The following ELAVL2 variants were observed in gnomAD, a reference collection of about 807,000 sequenced individuals.
ELAVL2 encodes ELAV-like protein 2.
A neutral mutation model predicts 34.6 loss-of-function variants in ELAVL2; 4 were observed. The ratio of observed to expected loss-of-function variants is 0.12; its 90% CI spans 0.06 to 0.26. The LOEUF is 0.26. Among genes scored for constraint, ELAVL2 ranks in the 10% least tolerant of loss-of-function variants. The pLI is 1.00. For missense variants in ELAVL2, 432 were observed against 442.8 expected (o/e 0.98, Z 0.22); for synonymous variants, 193 against 154.8 (o/e 1.25, Z -1.83).
At chr9:23,787,945 G>A (rs1473874795) in intron 1 of ELAVL2, among the ~76,000 whole-genome samples, 3 of 152,150 alleles carry the variant, frequency 2.0e-5, no homozygotes, top group Non-Finnish European at 4.4e-5. Flanking sequence ...AGGCAGAGCT[G>A]ATCCAGACTA....
chr9:23,769,329 C>T (rs573390406), intron 1 of ELAVL2, among the ~76,000 whole-genome samples: 3 of 152,146 alleles, frequency 2.0e-5, no homozygotes, highest in Non-Finnish European at 4.4e-5. Context: ...TTATAGATGA[C>T]AGCTGGGTAG....
intron 1 of ELAVL2, among the ~76,000 whole-genome samples, chr9:23,814,827 A>G (rs1056999119): frequency 6.6e-6 from 1 of 152,182 alleles, no homozygotes; most frequent in Admixed American, 6.5e-5. Flanking sequence ...TACTTTTGAA[A>G]AGCAGCTCAG....
At chr9:23,792,292 A>G (rs945373851) in intron 1 of ELAVL2, among the ~76,000 whole-genome samples, 1 of 152,236 alleles carries the variant, frequency 6.6e-6, no homozygotes, top group African/African-American at 2.4e-5. Flanking sequence ...GACATCTTCA[A>G]CTTAACTTAA....
intron 4 of ELAVL2, among the ~76,000 whole-genome samples, chr9:23,702,534 AT>A (rs1390905865): frequency 1.3e-5 from 2 of 151,720 alleles, no homozygotes; most frequent in South Asian, 4.2e-4. Flanking sequence ...TGGCAGGGAA[AT>A]TTTTTTTGGC....
intron 1 of ELAVL2, among the ~76,000 whole-genome samples, chr9:23,814,173 C>G (rs910797639): frequency 6.6e-6 from 1 of 152,202 alleles, no homozygotes; most frequent in Admixed American, 6.5e-5. Flanking sequence ...GATCACCCTT[C>G]AGGACCTGTG....
intron 1 of ELAVL2, among the ~76,000 whole-genome samples, chr9:23,765,788 C>T (rs962699088): frequency 1.3e-5 from 2 of 152,058 alleles, no homozygotes; most frequent in South Asian, 2.1e-4. Flanking sequence ...GAGTAATGCT[C>T]GCATAGGATG....
chr9:23,787,497 G>A (rs1385210731), intron 1 of ELAVL2, among the ~76,000 whole-genome samples: 2 of 151,554 alleles, frequency 1.3e-5, no homozygotes, highest in Non-Finnish European at 2.9e-5. Context: ...CTCCTAAAGT[G>A]CTGGGATTAC....
intron 3 of ELAVL2, among the ~76,000 whole-genome samples, chr9:23,719,608 AG>A (rs1298944614): frequency 1.2e-4 from 18 of 152,238 alleles, no homozygotes; most frequent in African/African-American, 3.9e-4. Context: ...ACAGGTCAAA[AG>A]GGTTTCTAAA....
intron 1 of ELAVL2, among the ~76,000 whole-genome samples, chr9:23,815,466 T>C (rs1013636573): frequency 1.3e-5 from 2 of 152,112 alleles, no homozygotes; most frequent in African/African-American, 4.8e-5. Context: ...TGATGGTGTA[T>C]TATAAAAAAA....
chr9:23,786,759 T>A (rs563177687), intron 1 of ELAVL2, among the ~76,000 whole-genome samples: 1 of 137,316 alleles, frequency 7.3e-6, no homozygotes, highest in Non-Finnish European at 1.5e-5. Flanking sequence ...CCTGCAGTAG[T>A]CTCAGTAACA....
At chr9:23,714,159 T>C (rs548585032) in intron 3 of ELAVL2, among the ~76,000 whole-genome samples, 10 of 152,300 alleles carry the variant, frequency 6.6e-5, no homozygotes, top group African/African-American at 2.2e-4. Flanking sequence ...GTTCTGGATA[T>C]GTAACATATG....
At chr9:23,802,004 G>A (rs1285510895) in intron 1 of ELAVL2, among the ~76,000 whole-genome samples, 1 of 152,198 alleles carries the variant, frequency 6.6e-6, no homozygotes, top group Non-Finnish European at 1.5e-5. Flanking sequence ...TACAGTGGAA[G>A]ATTGTTTATC....
intron 1 of ELAVL2, among the ~76,000 whole-genome samples, chr9:23,801,111 C>T (rs905326248): frequency 4.6e-5 from 7 of 152,140 alleles, no homozygotes; most frequent in Non-Finnish European, 7.4e-5. Context: ...ACCTAACAGA[C>T]ACAGAAGCCC....
chr9:23,792,068 C>T (rs1242273155), intron 1 of ELAVL2, among the ~76,000 whole-genome samples: 1 of 152,140 alleles, frequency 6.6e-6, no homozygotes, highest in Admixed American at 6.5e-5. Flanking sequence ...GTAGAAACAG[C>T]ACTTCAAGTA....
intron 1 of ELAVL2, chr9:23,821,756 C>CCCGCCCCACCCGCG (rs2064797595): frequency 6.6e-6 from 1 of 151,028 alleles, no homozygotes; most frequent in Non-Finnish European, 1.5e-5. Flanking sequence ...CCCCGCCCCA[C>CCCGCCCCACCCGCG]CCGCGCCGCG....
chr9:23,805,868 C>T (rs2062151908), intron 1 of ELAVL2, among the ~76,000 whole-genome samples: 1 of 152,154 alleles, frequency 6.6e-6, no homozygotes, highest in African/African-American at 2.4e-5. Context: ...CTTTTCAATA[C>T]AGCACACTTT....
chr9:23,697,066 G>T (rs372958611), intron 5 of ELAVL2, among the ~76,000 whole-genome samples: 1 of 151,994 alleles, frequency 6.6e-6, no homozygotes, highest in African/African-American at 2.4e-5. Flanking sequence ...GAGAGGCGGC[G>T]AGTGGCACTC....
At chr9:23,733,556 A>G (rs1427759540) in intron 2 of ELAVL2, among the ~76,000 whole-genome samples, 2 of 152,212 alleles carry the variant, frequency 1.3e-5, no homozygotes, top group Non-Finnish European at 2.9e-5. Flanking sequence ...GTTTAGGTAC[A>G]CGTGGATGTG....
At chr9:23,705,676 C>T (rs547212868) in intron 3 of ELAVL2, among the ~76,000 whole-genome samples, 1 of 152,302 alleles carries the variant, frequency 6.6e-6, no homozygotes, top group South Asian at 2.1e-4. Flanking sequence ...ATCTAGATTC[C>T]TTGCATGTGC....
Sources: allele counts gnomAD v4.1 joint callset (sites outside exome capture counted in the v4.1 genomes callset), GRCh38; gene constraint gnomAD v4.1.1; transcripts MANE v1.5; gene names NCBI Gene and HGNC (gene_info 2026-07-23, HGNC 2026-07-21).